CCDC141: variants seen among roughly 807,000 people sequenced by gnomAD.
The protein encoded by CCDC141 is coiled-coil domain containing 141.
Under a neutral mutation model 181.0 loss-of-function variants are expected in CCDC141, and 168 were observed. The ratio of observed to expected loss-of-function variants is 0.93; its 90% CI spans 0.82 to 1.05. The LOEUF (loss-of-function observed/expected upper bound fraction) is 1.05. CCDC141 is among the 50% of genes least tolerant of loss of function. CCDC141 has a pLI of 0.00. For synonymous variants in CCDC141, 666 were observed against 642.3 expected, an observed-to-expected ratio of 1.04 and a Z score of -0.56; for missense variants, 1,902 against 1,788.5, an observed-to-expected ratio of 1.06 and a Z score of -1.14.
At chr2:179,045,161 C>A (rs1326825669) in intron 2 of CCDC141, among the ~76,000 whole-genome samples, 2 of 141,560 alleles carry the variant, frequency 1.4e-5, no homozygotes, top group African/African-American at 2.6e-5. Context: ...TCCCTCCCCC[C>A]TCCCCTCGAC....
intron 7 of CCDC141, among the ~76,000 whole-genome samples, chr2:178,915,197 G>C (rs1429142014): frequency 1.3e-5 from 2 of 151,542 alleles, no homozygotes; most frequent in Non-Finnish European, 2.9e-5. Flanking sequence ...AAGAAAGAAA[G>C]AAAATGAAAG....
At chr2:178,945,555 A>T (rs1164651848) in intron 5 of CCDC141, among the ~76,000 whole-genome samples, 1 of 152,166 alleles carries the variant, frequency 6.6e-6, no homozygotes, top group Admixed American at 6.6e-5. Flanking sequence ...TTTCAAATCC[A>T]TGCTCTTTCC....
At chr2:178,952,958 C>T (rs1690013015) in intron 5 of CCDC141, among the ~76,000 whole-genome samples, 1 of 152,138 alleles carries the variant, frequency 6.6e-6, no homozygotes, top group Non-Finnish European at 1.5e-5. Context: ...AATGCAATCA[C>T]TACAGATTTA....
chr2:179,036,191 A>G (rs1049104121), intron 2 of CCDC141, among the ~76,000 whole-genome samples: 1 of 152,132 alleles, frequency 6.6e-6, no homozygotes, highest in African/African-American at 2.4e-5. Context: ...CTTACTCTTC[A>G]GTCTCTGCCT....
In CCDC141 at chr2:178,989,223, A is replaced by G. The variant is rs576576123; in HGVS notation, c.226-10548T>C. Among the ~76,000 whole-genome samples the G allele has an allele frequency of 3.3e-5, 5 of 152,302 alleles. No individual in the cohort carries two copies. The East Asian group carries it at 9.6e-4, about 29-fold the overall frequency. On this transcript the variant is annotated intron_variant, in intron 2 of 23. Transcript: ENST00000443758. ...AAGAAGTAAAAAGAAAATCCTTAGA[A>G]TGGGAGAAAATGTTTGCAAATGATA...
At chr2:178,982,013 T>C (rs1163376474) in intron 2 of CCDC141, among the ~76,000 whole-genome samples, 1 of 151,946 alleles carries the variant, frequency 6.6e-6, no homozygotes, top group Non-Finnish European at 1.5e-5. Context: ...ATACTATAAA[T>C]GGCTCTATGT....
chr2:178,905,613 A>T, intron 7 of CCDC141, 112 bp from the exon 8 acceptor site: 2 of 998,186 alleles, frequency 2.0e-6, no homozygotes, highest in Admixed American at 3.2e-5. Flanking sequence ...TAGTTTCATT[A>T]TAACAAAAAA....
chr2:178,990,584 TGGAGGGGAGGGGAGGGGAGG>T (rs199693487), intron 2 of CCDC141, among the ~76,000 whole-genome samples: 2 of 28,484 alleles, frequency 7.0e-5, no homozygotes, highest in Admixed American at 9.7e-4. Context: ...GGGAGGGGAG[TGGAGGGGAGGGGAGGGGAGG>T]GGAGGGAAGG....
At chr2:178,900,245 G>A (rs531853325) in intron 8 of CCDC141, among the ~76,000 whole-genome samples, 5 of 152,164 alleles carry the variant, frequency 3.3e-5, no homozygotes, top group African/African-American at 7.2e-5. Flanking sequence ...TTCTTCTTCT[G>A]TTGAAACCAG....
intron 16 of CCDC141, among the ~76,000 whole-genome samples, chr2:178,867,396 A>T (rs962766754): frequency 6.6e-6 from 1 of 152,244 alleles, no homozygotes; most frequent in Non-Finnish European, 1.5e-5. Context: ...TTTATAATAC[A>T]ATAACCAACT....
intron 6 of CCDC141, among the ~76,000 whole-genome samples, chr2:178,930,559 C>T (rs1689063881): frequency 1.3e-5 from 2 of 152,108 alleles, no homozygotes; most frequent in South Asian, 2.1e-4. Context: ...TTAAAACTTA[C>T]TACAATCCTA....
At position 179,035,031 on chromosome 2, in the gene CCDC141, G is replaced by C. The variant is rs1575374768; in HGVS notation, c.225+12253C>G. Among the ~76,000 whole-genome samples the C allele has an allele frequency of 2.0e-5, 3 of 152,210 alleles. No individual in the cohort carries two copies. In the Middle Eastern group the frequency reaches 0.01, roughly 518 times the overall value. ...GGACAGTTCAAATATCAGTTTTTCT[G>C]TCAAGGTTTTCCTGGAAGAACTAAA... On this transcript the variant is annotated intron_variant, in intron 2 of 23. Transcript: ENST00000443758.
Position 178,832,005 on chromosome 2 carries a change from C to G in CCDC141, c.*2168G>C, listed in dbSNP as rs894374808. 1 of 152,134 alleles carries G rather than the reference C, an allele frequency of 6.6e-6. No homozygotes were observed. The highest frequency in any genetic ancestry group is 1.5e-5 in the Non-Finnish European group (1 of 68,040). The allele number at this position is 152,134 out of a possible 1,614,324, so 9.4% of individuals were successfully genotyped here. A position where few individuals can be genotyped will look rare whatever the true frequency, so the allele number is the denominator to read the frequency against. On this transcript the variant is annotated 3_prime_UTR_variant, in exon 24 of 24. Transcript: ENST00000443758. ...AATAGAGAAAGCAAACCAGGAATTC[C>G]CATGCCCTAACAACCCCAACACACA...
rs143174663 is a variant in CCDC141 at position 178,938,779 on chromosome 2, G to A, written c.897+5756C>T. On this transcript the variant is annotated intron_variant, in intron 6 of 23. Coordinates refer to ENST00000443758, the MANE Select transcript of CCDC141 (RefSeq NM_173648.4). ...CTTACAAGTGAGGAAAGTGGGGCTC[G>A]CAGGGATGTAATGTATCCAAGGTAT... Among the ~76,000 whole-genome samples, 420 of 152,100 alleles carry A rather than the reference G, an allele frequency of 2.8e-3. 3 individuals are homozygous for A. Among genetic ancestry groups the A allele is most frequent in the African/African-American group, 9.2e-3 (383 of 41,492 alleles).
intron 20 of CCDC141, among the ~76,000 whole-genome samples, chr2:178,852,958 A>G (rs1349633887): frequency 6.6e-6 from 1 of 152,224 alleles, no homozygotes; most frequent in African/African-American, 2.4e-5. Context: ...GAGGAAAGTG[A>G]AGGAGAATTT....
At chr2:178,947,427 G>A (rs376041988) in intron 5 of CCDC141, among the ~76,000 whole-genome samples, 2 of 152,300 alleles carry the variant, frequency 1.3e-5, no homozygotes, top group South Asian at 4.1e-4. Flanking sequence ...TTGGTTCTGG[G>A]CAATGATGGA....
intron 2 of CCDC141, among the ~76,000 whole-genome samples, chr2:179,004,342 A>G (rs1303533640): frequency 6.6e-6 from 1 of 152,166 alleles, no homozygotes; most frequent in Non-Finnish European, 1.5e-5. Context: ...GCTTATAATC[A>G]TCTTCTGCTA....
chr2:178,839,686 C>T (rs1035609059), intron 22 of CCDC141, among the ~76,000 whole-genome samples: 4 of 144,738 alleles, frequency 2.8e-5, no homozygotes, highest in Non-Finnish European at 4.5e-5. Flanking sequence ...CTCAGAGAAA[C>T]ATTAACCCAA....
At chr2:178,901,167 G>A (rs1161418456) in intron 8 of CCDC141, among the ~76,000 whole-genome samples, 5 of 151,852 alleles carry the variant, frequency 3.3e-5, no homozygotes, top group African/African-American at 9.7e-5. Context: ...CCCCATGCGT[G>A]GCCAGAGGTA....
Sources: allele counts gnomAD v4.1 joint callset (sites outside exome capture counted in the v4.1 genomes callset), GRCh38; gene constraint gnomAD v4.1.1; transcripts MANE v1.5; gene names NCBI Gene and HGNC (gene_info 2026-07-23, HGNC 2026-07-21).